The following KLF13 variants were observed in gnomAD, a reference collection of about 807,000 sequenced individuals.
KLF13 encodes Krueppel-like factor 13.
A neutral mutation model predicts 16.7 loss-of-function variants in KLF13; 8 were observed. The observed-to-expected ratio is 0.48, with a 90% CI of 0.28 to 0.87. The LOEUF is 0.87. KLF13 is among the 40% of genes least tolerant of loss of function. The pLI is 0.10. For missense variants in KLF13, 447 were observed against 452.2 expected (o/e 0.99, Z 0.10); for synonymous variants, 245 against 208.4 (o/e 1.18, Z -1.51).
chr15:31,388,075 C>T (rs1212033801), upstream of KLF13, among the ~76,000 whole-genome samples: 1 of 152,126 alleles, frequency 6.6e-6, no homozygotes, highest in African/African-American at 2.4e-5. Context: ...GATGCTGCCA[C>T]GAGTCAGGAA....
rs61521558 is a variant in KLF13, at chr15:31,428,820, A to AAAAAAAAAAAAAAAAAAAAAG, written n.118-6545_118-6544insAAAAAAAAAAAAAAAGAAAAA. On this transcript the variant is annotated intron_variant and non_coding_transcript_variant, in intron 1 of 1. Transcript: ENST00000558225. ...TCTATCTCAAAAAAAAAAAAAAAAA[A>AAAAAAAAAAAAAAAAAAAAAG]AAAAAGAAAAAGAAAAAGAAATGCC... Among the ~76,000 whole-genome samples the AAAAAAAAAAAAAAAAAAAAAG allele has an allele frequency of 2.3e-4, 17 of 72,650 alleles. 1 individual carries two copies. The highest frequency in any genetic ancestry group is 5.2e-4 in the East Asian group (1 of 1,922). 47.7% of individuals were successfully genotyped at this position (72,650 alleles called of 152,430 possible).
intron 1 of KLF13, among the ~76,000 whole-genome samples, chr15:31,386,454 G>A (rs573862846): frequency 4.6e-5 from 7 of 152,262 alleles, no homozygotes; most frequent in Non-Finnish European, 7.3e-5. Flanking sequence ...AGCCGAGATC[G>A]TGCCATTGCA....
chr15:31,413,187 CA>C (rs1161762538), intron 1 of KLF13, among the ~76,000 whole-genome samples: 6,141 of 63,412 alleles, frequency 0.097, 498 homozygotes, highest in African/African-American at 0.26. Flanking sequence ...AATGAATAGA[CA>C]AAAAAAAAAA....
downstream of KLF13, among the ~76,000 whole-genome samples, chr15:31,408,538 A>G (rs898532571): frequency 6.6e-6 from 1 of 152,252 alleles, no homozygotes; most frequent in Non-Finnish European, 1.5e-5. Flanking sequence ...TAACCATTGC[A>G]ATGTTAAATC....
intron 1 of KLF13, among the ~76,000 whole-genome samples, chr15:31,383,141 G>T (rs556131637): frequency 7.9e-5 from 12 of 152,340 alleles, no homozygotes; most frequent in South Asian, 2.1e-4. Context: ...GGTGTTTTGG[G>T]AAAGTGGTTA....
chr15:31,421,897 T>C (rs1264011543), intron 1 of KLF13, among the ~76,000 whole-genome samples: 1 of 152,152 alleles, frequency 6.6e-6, no homozygotes, highest in Non-Finnish European at 1.5e-5. Context: ...GCAGATCACC[T>C]GAGGTCAGGA....
intron 1 of KLF13, among the ~76,000 whole-genome samples, chr15:31,346,939 G>A (rs757314975): frequency 3.9e-5 from 6 of 152,186 alleles, no homozygotes; most frequent in South Asian, 2.1e-4. Flanking sequence ...GAGGGGCAGC[G>A]TAGGGTCCTG....
At chr15:31,415,928 G>A (rs1009353947) in intron 1 of KLF13, among the ~76,000 whole-genome samples, 1 of 151,728 alleles carries the variant, frequency 6.6e-6, no homozygotes, top group African/African-American at 2.4e-5. Flanking sequence ...TCAGCTTCTA[G>A]GTTGAACAAG....
rs771122607 is a variant in KLF13 at position 31,376,232 on chromosome 15, CAGGAAG to C, written c.*3935_*3940del. On this transcript the variant is annotated 3_prime_UTR_variant, in exon 2 of 2. Transcript: ENST00000307145. The stretch of plus-strand genomic sequence containing the variant: ...TCAGCTGGGCAGGGGTGCCACCCAA[CAGGAAG>C]ATGTGATCTGAGCAATAGTGTGGCC... 6.5e-6 allele frequency: 1 copy of C among 152,746 alleles called. No homozygotes were observed. Among genetic ancestry groups the C allele is most frequent in the Non-Finnish European group, 1.5e-5 (1 of 68,112 alleles). 9.5% of individuals were successfully genotyped at this position (152,746 alleles called of 1,614,324 possible). A position where few individuals can be genotyped will look rare whatever the true frequency, so the allele number is the denominator to read the frequency against.
chr15:31,427,944 A>T (rs1035868804), intron 1 of KLF13, among the ~76,000 whole-genome samples: 1 of 152,204 alleles, frequency 6.6e-6, no homozygotes, highest in Admixed American at 6.5e-5. Context: ...CCTACCAGGC[A>T]CTGCCTCCAA....
In KLF13 at chr15:31,419,393, T is replaced by C. The variant is rs569565227; in HGVS notation, n.118-15977T>C. On this transcript the variant is annotated intron_variant and non_coding_transcript_variant, in intron 1 of 1. Transcript: ENST00000558225. ...AAAGAACTTCAATGTGATACAAGAG[T>C]ACACAGATAGACAACTAAAAACAAA... 5.3e-5 allele frequency among the ~76,000 whole-genome samples: 8 copies of C among 151,868 alleles called. No homozygotes were observed. The South Asian group carries it at 8.3e-4, about 16-fold the overall frequency.
chr15:31,427,037 C>T (rs1028433493), intron 1 of KLF13, among the ~76,000 whole-genome samples: 1 of 152,188 alleles, frequency 6.6e-6, no homozygotes, highest in African/African-American at 2.4e-5. Flanking sequence ...CTGAGATTTA[C>T]ATCATCAGCT....
intron 1 of KLF13, among the ~76,000 whole-genome samples, chr15:31,342,805 C>G (rs2039049540): frequency 6.6e-6 from 1 of 152,236 alleles, no homozygotes; most frequent in Non-Finnish European, 1.5e-5. Flanking sequence ...AGGCTGGCCT[C>G]TTGGCTGCTG....
intron 1 of KLF13, among the ~76,000 whole-genome samples, chr15:31,427,408 C>T (rs923684071): frequency 5.3e-5 from 8 of 152,002 alleles, no homozygotes; most frequent in Admixed American, 2.6e-4. Flanking sequence ...ACCAGTACGG[C>T]GATTCCTCGA....
chr15:31,330,454 C>T (rs941842391), intron 1 of KLF13, among the ~76,000 whole-genome samples: 2 of 152,208 alleles, frequency 1.3e-5, no homozygotes, highest in Non-Finnish European at 2.9e-5. Flanking sequence ...GACCAGGGAC[C>T]GGTTCCCAGA....
downstream of KLF13, among the ~76,000 whole-genome samples, chr15:31,381,848 T>G (rs1001175754): frequency 8.5e-5 from 13 of 152,240 alleles, no homozygotes; most frequent in African/African-American, 3.1e-4. Flanking sequence ...GATCAGTTCT[T>G]GAAGACCTGC....
Position 31,327,654 on chromosome 15 carries a change from A to T in KLF13, c.442A>T (p.Arg148Ter). ...CGCGGGGAGCGGCGAGCCCGGCCTC[A>T]GACAAAGGGTCCGGCGGGGCCGAAG... is the stretch of plus-strand genomic sequence containing the variant. ...GPAGSGEPGL[R>*]QRVRRGRSRA... The change falls in exon 1 of 2, where the codon AGA becomes TGA. Residue 148 changes from arginine to a stop codon, truncating the protein, a stop_gained. Coordinates refer to ENST00000307145, the MANE Select transcript of KLF13 (RefSeq NM_015995.4). LOFTEE classifies it high-confidence loss of function. 6.8e-7 allele frequency: 1 copy of T among 1,473,344 alleles called. No homozygotes were observed. The highest frequency in any genetic ancestry group is 9.1e-7 in the Non-Finnish European group (1 of 1,104,224). The allele number at this position is 1,473,344 out of a possible 1,614,324, so 91.3% of individuals were successfully genotyped here.
downstream of KLF13, among the ~76,000 whole-genome samples, chr15:31,381,670 C>T (rs2039728044): frequency 6.6e-6 from 1 of 152,216 alleles, no homozygotes; most frequent in Non-Finnish European, 1.5e-5. Context: ...GCATCCCACT[C>T]TCCATGACCC....
intron 1 of KLF13, among the ~76,000 whole-genome samples, chr15:31,337,212 C>A (rs888067125): frequency 1.3e-5 from 2 of 152,328 alleles, no homozygotes. Context: ...GACTCAGATT[C>A]CCTCCATCCC....
Sources: gnomAD v4.1 joint callset for allele counts (sites outside exome capture counted in the v4.1 genomes callset) on GRCh38, gnomAD v4.1.1 for gene constraint, MANE v1.5 for transcripts, NCBI Gene and HGNC (gene_info 2026-07-23, HGNC 2026-07-21) for gene names.